Variants in LMBRD2 observed in about 807,000 individuals in gnomAD.
The protein encoded by LMBRD2 is LMBR1 domain containing 2.
LMBRD2 carries 55 observed loss-of-function variants against 94.4 expected under a neutral mutation model. The ratio of observed to expected loss-of-function variants is 0.58; its 90% CI spans 0.47 to 0.73. LMBRD2 has a LOEUF of 0.73. Among genes scored for constraint, LMBRD2 ranks in the 30% least tolerant of loss-of-function variants. LMBRD2 has a pLI of 0.00. For synonymous variants in LMBRD2, 246 were observed against 272.4 expected (o/e 0.90, Z 0.95); for missense variants, 640 against 831.9 (o/e 0.77, Z 2.84).
rs891677504 is a variant in LMBRD2 at position 36,100,200 on chromosome 5, G to A, written c.*3846C>T. ...TCCTTTTCATAAAAAGATGTCTCAAGAATCTAAATAAATCTTAAATTTTGG... is the reference window on the plus strand; with the variant it reads ...TCCTTTTCATAAAAAGATGTCTCAAAAATCTAAATAAATCTTAAATTTTGG... On this transcript the variant is annotated 3_prime_UTR_variant, in exon 18 of 18. Coordinates refer to ENST00000296603, the MANE Select transcript of LMBRD2 (RefSeq NM_001007527.2). 5 of 152,048 alleles carry A rather than the reference G, an allele frequency of 3.3e-5. No homozygotes were observed. Among genetic ancestry groups the A allele is most frequent in the South Asian group, 2.1e-4 (1 of 4,828 alleles). The allele number at this position is 152,048 out of a possible 1,614,324, so 9.4% of individuals were successfully genotyped here. A position where few individuals can be genotyped will look rare whatever the true frequency, so the allele number is the denominator to read the frequency against.
intron 16 of LMBRD2, 83 bp downstream of exon 16, chr5:36,108,451 A>G: frequency 3.5e-6 from 2 of 578,776 alleles, no homozygotes; most frequent in Non-Finnish European, 6.1e-6. Flanking sequence ...GCATTTCTGG[A>G]TGTGTGTATT....
intron 1 of LMBRD2, among the ~76,000 whole-genome samples, chr5:36,149,778 T>C (rs1744644841): frequency 6.6e-6 from 1 of 152,172 alleles, no homozygotes; most frequent in African/African-American, 2.4e-5. Context: ...TGGTGGCGCA[T>C]GCCTGTAATC....
intron 11 of LMBRD2, among the ~76,000 whole-genome samples, chr5:36,115,444 A>G (rs1743717409): frequency 6.6e-6 from 1 of 152,196 alleles, no homozygotes; most frequent in African/African-American, 2.4e-5. Context: ...ATCTCACAGC[A>G]TGACAAGGAC....
chr5:36,109,171 A>G (rs1220189238), intron 15 of LMBRD2, among the ~76,000 whole-genome samples: 1 of 152,166 alleles, frequency 6.6e-6, no homozygotes, highest in Non-Finnish European at 1.5e-5. Flanking sequence ...ACCTAATGCA[A>G]CTTTCCATGC....
intron 5 of LMBRD2, 51 bp downstream of exon 5, chr5:36,137,223 T>A (rs1744292485): frequency 1.6e-6 from 2 of 1,249,524 alleles, no homozygotes; most frequent in Non-Finnish European, 2.2e-6. Context: ...AATGATTTTT[T>A]AAAAATGCAA....
rs1743311576 is a variant in LMBRD2, at chr5:36,099,855, C to T, written c.*4191G>A. On this transcript the variant is annotated 3_prime_UTR_variant, in exon 18 of 18. Transcript: ENST00000296603. ...ACAGATTTAAAATTTACAGTGAGTC[C>T]TCAATTGACCTCAATGGACCAATGG... 6.6e-6 allele frequency: 1 copy of T among 152,024 alleles called. No homozygotes were observed. Among genetic ancestry groups the T allele is most frequent in the African/African-American group, 2.4e-5 (1 of 41,400 alleles). The allele number at this position is 152,024 out of a possible 1,614,324, so 9.4% of individuals were successfully genotyped here.
At chr5:36,142,683 T>C (rs1744440192) in intron 2 of LMBRD2, 84 bp from the exon 3 acceptor site, 4 of 744,866 alleles carry the variant, frequency 5.4e-6, no homozygotes, top group South Asian at 3.1e-5. Flanking sequence ...TAAATCTATC[T>C]ATCTAAACTT....
At chr5:36,146,937 TGTGA>T (rs762045621) in intron 1 of LMBRD2, among the ~76,000 whole-genome samples, 3,512 of 125,316 alleles carry the variant, frequency 0.028, 74 homozygotes, top group African/African-American at 0.11. Context: ...TGTGTGTGTG[TGTGA>T]GTGTGTGTGT....
chr5:36,133,961 A>T (rs1744211823), intron 6 of LMBRD2, among the ~76,000 whole-genome samples: 1 of 152,140 alleles, frequency 6.6e-6, no homozygotes. Context: ...CTCAAATCTG[A>T]AACAACTGAA....
At chr5:36,130,343 A>G (rs1020864343) in intron 6 of LMBRD2, among the ~76,000 whole-genome samples, 5 of 152,168 alleles carry the variant, frequency 3.3e-5, no homozygotes, top group Non-Finnish European at 7.4e-5. Flanking sequence ...TTTGCAATCA[A>G]TGTCAAGTTG....
At chr5:36,136,643 T>C (rs1471232824) in intron 5 of LMBRD2, 124 bp from the exon 6 acceptor site, 4 of 734,212 alleles carry the variant, frequency 5.4e-6, no homozygotes, top group Non-Finnish European at 9.0e-6. Flanking sequence ...TCTAGAATAA[T>C]TCATGGCAAT....
chr5:36,114,368 A>G (rs189338296), intron 13 of LMBRD2, 56 bp downstream of exon 13: 3 of 1,512,736 alleles, frequency 2.0e-6, no homozygotes, highest in Admixed American at 5.2e-5. Flanking sequence ...AGAGCTTTAA[A>G]GAGAAAGGAT....
intron 4 of LMBRD2, among the ~76,000 whole-genome samples, chr5:36,138,997 A>T (rs1216867410): frequency 1.3e-5 from 2 of 152,128 alleles, no homozygotes; most frequent in Admixed American, 6.6e-5. Context: ...CCATGGAGCT[A>T]GCAGGAGCTG....
At chr5:36,111,368 T>C (rs770075064) in intron 13 of LMBRD2, 110 bp from the exon 14 acceptor site, 102 of 752,650 alleles carry the variant, frequency 1.4e-4, no homozygotes, top group Non-Finnish European at 1.1e-4. Context: ...CTTCATTATC[T>C]GTTATCATAT....
At chr5:36,108,203 CTACT>C (rs1377993757) in intron 16 of LMBRD2, among the ~76,000 whole-genome samples, 1 of 152,096 alleles carries the variant, frequency 6.6e-6, no homozygotes, top group Non-Finnish European at 1.5e-5. Flanking sequence ...TAACCTACAC[CTACT>C]AATAGGAAAG....
At chr5:36,108,394 GA>G (rs374122644) in intron 16 of LMBRD2, 139 bp downstream of exon 16, 41 of 476,346 alleles carry the variant, frequency 8.6e-5, no homozygotes, top group African/African-American at 4.5e-4. Context: ...GAGGAATGCA[GA>G]AAAAAAAGAA....
chr5:36,135,245 ATTC>A (rs1217310895), intron 6 of LMBRD2, among the ~76,000 whole-genome samples: 5 of 152,172 alleles, frequency 3.3e-5, no homozygotes, highest in Non-Finnish European at 7.4e-5. Context: ...CGTGCCTCAT[ATTC>A]TTCATTTATA....
intron 7 of LMBRD2, 125 bp from the exon 8 acceptor site, chr5:36,123,086 G>A (rs1743926595): frequency 2.0e-6 from 2 of 977,618 alleles, no homozygotes; most frequent in South Asian, 4.8e-5. Context: ...CTACTTTATT[G>A]TCATCTCTAG....
intron 11 of LMBRD2, 93 bp downstream of exon 11, chr5:36,116,367 A>C: frequency 9.2e-7 from 1 of 1,090,050 alleles, no homozygotes; most frequent in Non-Finnish European, 1.4e-6. Context: ...TATAGATGTT[A>C]GTGGAACACC....
Sources: allele counts gnomAD v4.1 joint callset (sites outside exome capture counted in the v4.1 genomes callset), GRCh38; gene constraint gnomAD v4.1.1; transcripts MANE v1.5; gene names NCBI Gene and HGNC (gene_info 2026-07-23, HGNC 2026-07-21).